DNAH8: variants seen among roughly 807,000 people sequenced by gnomAD.
DNAH8 encodes the protein dynein axonemal heavy chain 8, also known as axonemal beta dynein heavy chain 8.
A neutral mutation model predicts 562.1 loss-of-function variants in DNAH8; 382 were observed. The observed-to-expected ratio is 0.68, with a 90% confidence interval of 0.63 to 0.74. The LOEUF (loss-of-function observed/expected upper bound fraction) is 0.74. Among genes scored for constraint, DNAH8 ranks in the 30% least tolerant of loss-of-function variants. The probability of loss-of-function intolerance (pLI) is 0.00; values close to 1 mark genes in which losing one functional copy is unlikely to be tolerated. For synonymous variants in DNAH8, 1,881 were observed against 1,919.4 expected (o/e 0.98, Z 0.52); for missense variants, 5,203 against 5,620.4 (o/e 0.93, Z 2.37).
rs767835951 is a variant in DNAH8, at chr6:38,971,744, G to A, written c.12525+79G>A. On this transcript the variant is annotated intron_variant, in intron 83 of 92. Coordinates refer to ENST00000327475, the MANE Select transcript of DNAH8 (RefSeq NM_001206927.2). ...TCATGGATGTTACCACATTCTTCTC[G>A]TGATGCTCAATCCTGGTTTTTCCAT... 36 of 1,121,854 alleles carry A rather than the reference G, an allele frequency of 3.2e-5. No individual in the cohort carries two copies. In the African/African-American group the frequency reaches 3.8e-4, roughly 12 times the overall value. 69.5% of individuals were successfully genotyped at this position (1,121,854 alleles called of 1,614,324 possible).
chr6:38,931,240 A>G (rs939209777), intron 75 of DNAH8: 2 of 152,182 alleles, frequency 1.3e-5, no homozygotes, highest in Admixed American at 6.6e-5. Context: ...TTTAGATAGC[A>G]AAAACCAATT....
intron 58 of DNAH8, among the ~76,000 whole-genome samples, chr6:38,891,635 C>G (rs1469710243): frequency 6.6e-6 from 1 of 152,180 alleles, no homozygotes; most frequent in African/African-American, 2.4e-5. Context: ...AACACAGGGC[C>G]TTTGCACATG....
intron 8 of DNAH8, among the ~76,000 whole-genome samples, chr6:38,742,205 A>G (rs955140170): frequency 1.3e-5 from 2 of 152,220 alleles, no homozygotes; most frequent in African/African-American, 4.8e-5. Context: ...ACAACTGCAT[A>G]TAGAGTCAAA....
chr6:39,026,429 T>G, intron 91 of DNAH8, 117 bp from the exon 92 acceptor site: 1 of 1,109,500 alleles, frequency 9.0e-7, no homozygotes, highest in Non-Finnish European at 1.3e-6. Flanking sequence ...CTCAACTCCT[T>G]TTGAGATGGA....
rs548354876 is a variant in DNAH8, at chr6:39,019,402, CAAG to C, written c.13714+6770_13714+6772del. ...GCAGGAGGTGAGGTCCTCTTGAAAG[CAAG>C]AAGATGTTGGTGGAGAGATTTTTAA... On this transcript the variant is annotated intron_variant, in intron 91 of 92. Transcript: ENST00000327475. Among the ~76,000 whole-genome samples the C allele has an allele frequency of 6.4e-4, 98 of 152,262 alleles. 1 individual carries two copies. The highest frequency in any genetic ancestry group is 1.2e-3 in the Non-Finnish European group (80 of 68,024).
chr6:38,720,499 C>T (rs1470734478), intron 1 of DNAH8, among the ~76,000 whole-genome samples: 2 of 152,144 alleles, frequency 1.3e-5, no homozygotes, highest in African/African-American at 2.4e-5. Flanking sequence ...TTTACTAGAA[C>T]CGAGGCAAAC....
chr6:38,717,100 T>C (rs1190839827), intron 1 of DNAH8, among the ~76,000 whole-genome samples: 1 of 152,180 alleles, frequency 6.6e-6, no homozygotes, highest in Non-Finnish European at 1.5e-5. Context: ...TAGTCCTAGC[T>C]ACTTGGGAGG....
At chr6:38,884,772 C>A (rs1778791374) in intron 56 of DNAH8, among the ~76,000 whole-genome samples, 1 of 152,146 alleles carries the variant, frequency 6.6e-6, no homozygotes, top group Non-Finnish European at 1.5e-5. Context: ...AAATGAAAAA[C>A]CAAACAACTA....
At chr6:38,769,069 C>T (rs985081039) in intron 11 of DNAH8, among the ~76,000 whole-genome samples, 1 of 152,138 alleles carries the variant, frequency 6.6e-6, no homozygotes, top group African/African-American at 2.4e-5. Context: ...TTTCTGAATT[C>T]TAGTTCAATG....
intron 65 of DNAH8, among the ~76,000 whole-genome samples, chr6:38,909,981 A>G (rs942171564): frequency 1.3e-5 from 2 of 152,248 alleles, no homozygotes; most frequent in Non-Finnish European, 2.9e-5. Context: ...GCCTCAGAGT[A>G]ACAGATGCTT....
chr6:38,913,570 C>A (rs1378853719), intron 66 of DNAH8, among the ~76,000 whole-genome samples: 1 of 152,046 alleles, frequency 6.6e-6, no homozygotes, highest in Non-Finnish European at 1.5e-5. Flanking sequence ...AGTTTCTTGG[C>A]CAAACTAATC....
intron 32 of DNAH8, among the ~76,000 whole-genome samples, chr6:38,836,580 G>A (rs575574496): frequency 6.6e-6 from 1 of 150,636 alleles, no homozygotes; most frequent in South Asian, 2.1e-4. Context: ...TGTTCTGCCT[G>A]TCTCTCGAGG....
rs184962864 is a variant in DNAH8, at chr6:38,998,132, G to T, written c.13214+7960G>T. Reference sequence around the variant, plus strand: ...CCCTGTTTATTGGAATCTTCACTCTGAAGTTAGCATCCATAAATTTGAGAG... The same window carrying T: ...CCCTGTTTATTGGAATCTTCACTCTTAAGTTAGCATCCATAAATTTGAGAG... On this transcript the variant is annotated intron_variant, in intron 88 of 92. Transcript: ENST00000327475. 2.6e-5 allele frequency among the ~76,000 whole-genome samples: 4 copies of T among 152,320 alleles called. No individual in the cohort carries two copies. The East Asian group carries it at 7.7e-4, about 29-fold the overall frequency.
chr6:39,008,695 T>TC (rs1027365789), intron 88 of DNAH8, 119 bp from the exon 89 acceptor site: 8 of 478,840 alleles, frequency 1.7e-5, no homozygotes, highest in Admixed American at 1.3e-4. Flanking sequence ...CTTTTCTTCT[T>TC]TTTTTTTTTT....
In DNAH8 at chr6:38,906,306, G is replaced by A. The variant is rs1780475036; in HGVS notation, c.9247G>A (p.Ala3083Thr). 1.2e-6 allele frequency: 2 copies of A among 1,609,038 alleles called. No homozygotes were observed. Among genetic ancestry groups the A allele is most frequent in the East Asian group, 4.5e-5 (2 of 44,798 alleles). Residue 3083 changes from alanine (A) to threonine (T), a missense_variant, in exon 63 of 93, where the codon GCT (alanine) becomes ACT (threonine). Ala to Thr is a moderately conservative substitution (Grantham distance 58). This residue lies in a region of DNAH8 where 977 missense variants were observed against 1,061.8 expected (regional missense o/e 0.92). Coordinates refer to ENST00000327475, the MANE Select transcript of DNAH8 (RefSeq NM_001206927.2). ...TGATTTAAAAGCTTTGTACAAAGTT[G>A]CTGGTGCTGATGGAAAAGGCATCAC... The part of the protein sequence containing the change: ...TDDLKALYKV[A>T]GADGKGITFI...
chr6:38,944,685 G>T (rs1170673430), intron 79 of DNAH8, among the ~76,000 whole-genome samples: 1 of 152,202 alleles, frequency 6.6e-6, no homozygotes, highest in Admixed American at 6.5e-5. Flanking sequence ...GATCAATGCT[G>T]TAACTCATTC....
chr6:38,900,640 T>C (rs976411925), intron 62 of DNAH8, among the ~76,000 whole-genome samples: 2 of 151,204 alleles, frequency 1.3e-5, no homozygotes, highest in African/African-American at 4.9e-5. Context: ...TTTTTTGAAA[T>C]GTAGTCTTGC....
intron 24 of DNAH8, among the ~76,000 whole-genome samples, chr6:38,807,931 C>A (rs1436206992): frequency 6.6e-6 from 1 of 152,138 alleles, no homozygotes; most frequent in Non-Finnish European, 1.5e-5. Flanking sequence ...GCTACCAGTC[C>A]CCTCATGGGT....
At chr6:38,940,713 A>G (rs916044280) in intron 79 of DNAH8, among the ~76,000 whole-genome samples, 1 of 152,192 alleles carries the variant, frequency 6.6e-6, no homozygotes, top group Non-Finnish European at 1.5e-5. Flanking sequence ...TCTCACTTCA[A>G]AAAGAGCAGG....
Sources: gnomAD v4.1 joint callset for allele counts (sites outside exome capture counted in the v4.1 genomes callset) on GRCh38, gnomAD v4.1.1 for gene constraint, gnomAD v4.1.1 regional missense constraint, MANE v1.5 for transcripts, NCBI Gene and HGNC (gene_info 2026-07-23, HGNC 2026-07-21) for gene names.